HEATR3: variants seen among roughly 807,000 people sequenced by gnomAD.
HEATR3 encodes HEAT repeat-containing protein 3.
In HEATR3, 56 loss-of-function variants were observed where a neutral mutation model predicts 72.8. The ratio of observed to expected loss-of-function variants is 0.77; its 90% confidence interval spans 0.62 to 0.96. The LOEUF is 0.96. HEATR3 is among the 40% of genes least tolerant of loss of function. The pLI is 0.00. For missense variants in HEATR3, 747 were observed against 831.4 expected (o/e 0.90, Z 1.25); for synonymous variants, 331 against 318.1 (o/e 1.04, Z -0.43).
intron 7 of HEATR3, 92 bp from the exon 8 acceptor site, chr16:50,083,845 A>C: frequency 8.4e-7 from 1 of 1,183,948 alleles, no homozygotes; most frequent in South Asian, 1.4e-5. Context: ...CAAGCGCAAA[A>C]ATCTTCTAGT....
At chr16:50,071,875 C>T (rs567617444) in intron 4 of HEATR3, among the ~76,000 whole-genome samples, 1 of 152,270 alleles carries the variant, frequency 6.6e-6, no homozygotes, top group South Asian at 2.1e-4. Flanking sequence ...CTTGTTAACT[C>T]GTATTTAATG....
rs1416049350 is a variant in HEATR3, at chr16:50,070,259, A to C, written c.481A>C (p.Asn161His). The change falls in exon 4 of 15, where the codon AAT becomes CAT. Residue 161 changes from asparagine (N) to histidine (H), a missense_variant. Coordinates refer to ENST00000299192, the MANE Select transcript of HEATR3 (RefSeq NM_182922.4). ...CAGAAATTCTATTGAGAACATAGCCAATGAGACTGTGAACGTGCTGTGGAA... is the reference window on the plus strand; with the variant it reads ...CAGAAATTCTATTGAGAACATAGCCCATGAGACTGTGAACGTGCTGTGGAA... The part of the protein sequence containing the change: ...QNRNSIENIA[N>H]ETVNVLWNIC... The C allele has an allele frequency of 6.2e-7, 1 of 1,603,010 alleles. No homozygotes were observed. Among genetic ancestry groups the C allele is most frequent in the East Asian group, 2.2e-5 (1 of 44,768 alleles).
chr16:50,066,449 G>T lies in HEATR3; in HGVS notation c.221G>T (p.Gly74Val), dbSNP rs969347139. 3.6e-5 allele frequency: 50 copies of T among 1,393,908 alleles called. No individual in the cohort carries two copies. The highest frequency in any genetic ancestry group is 4.4e-5 in the Non-Finnish European group (48 of 1,082,664). 86.3% of individuals were successfully genotyped at this position (1,393,908 alleles called of 1,614,324 possible). A position where few individuals can be genotyped will look rare whatever the true frequency, so the allele number is the denominator to read the frequency against. The change falls in exon 2 of 15, where the codon GGC (glycine) becomes GTC (valine). Residue 74 changes from glycine (G) to valine (V), a missense_variant. Physicochemically the swap from Gly to Val is moderately radical, Grantham distance 109. Transcript: ENST00000299192. The stretch of plus-strand genomic sequence containing the variant: ...GTGCAGCAGCGGCCGGCACTCCCGG[G>T]CCTGGCGCGACGAGACGCCGTGCGC... The part of the protein sequence containing the change: ...RLVQQRPALP[G>V]LARRDAVRRL...
chr16:50,075,760 A>G (rs760814528), intron 6 of HEATR3, 49 bp downstream of exon 6: 14 of 1,562,308 alleles, frequency 9.0e-6, no homozygotes, highest in Admixed American at 1.7e-5. Flanking sequence ...AGCTTTTGGT[A>G]TGGATGTGGT....
At chr16:50,075,490 G>A (rs2036704746) in intron 5 of HEATR3, 81 bp from the exon 6 acceptor site, 2 of 1,300,866 alleles carry the variant, frequency 1.5e-6, no homozygotes, top group Non-Finnish European at 2.2e-6. Context: ...ATGATACAAT[G>A]TTTTATTGAT....
Position 50,084,011 on chromosome 16 carries a change from CAT to C in HEATR3, c.1117_1118del (p.Met373ValfsTer4). 6.2e-7 allele frequency: 1 copy of C among 1,613,340 alleles called. No homozygotes were observed. Among genetic ancestry groups the C allele is most frequent in the Non-Finnish European group, 8.5e-7 (1 of 1,179,918 alleles). Reference sequence around the variant, plus strand: ...AGACTGCTCTGGAAATTATTGTCAACATGTGCTGCAATGAAGGTTTGTTAACA... The same window carrying C: ...AGACTGCTCTGGAAATTATTGTCAACGTGCTGCAATGAAGGTTTGTTAACA... ...QQTALEIIVN[M>X]CCNEDPSDDE... is the part of the protein sequence containing the mutation. On this transcript the variant is annotated frameshift_variant, in exon 8 of 15. Coordinates refer to ENST00000299192, the MANE Select transcript of HEATR3 (RefSeq NM_182922.4). LOFTEE classifies it high-confidence loss of function.
intron 6 of HEATR3, among the ~76,000 whole-genome samples, chr16:50,077,838 T>C (rs1322898087): frequency 2.0e-5 from 3 of 152,088 alleles, no homozygotes; most frequent in Non-Finnish European, 4.4e-5. Context: ...CTTCTACAAC[T>C]TGGATATTGT....
At chr16:50,068,705 T>TATAA (rs1469507389) in intron 2 of HEATR3, 75 bp from the exon 3 acceptor site, 36 of 467,726 alleles carry the variant, frequency 7.7e-5, no homozygotes, top group Non-Finnish European at 8.5e-5. Flanking sequence ...TGGCTAAAAA[T>TATAA]AGAAATGTGA....
chr16:50,099,166 C>T (rs1233527963), intron 12 of HEATR3, among the ~76,000 whole-genome samples: 1 of 152,136 alleles, frequency 6.6e-6, no homozygotes, highest in Non-Finnish European at 1.5e-5. Context: ...TAATGGGATG[C>T]ATAGCCTGCC....
chr16:50,102,565 G>A (rs1218614364), intron 14 of HEATR3, 130 bp downstream of exon 14: 7 of 690,318 alleles, frequency 1.0e-5, no homozygotes, highest in Admixed American at 3.1e-5. Flanking sequence ...AGCATCCCCA[G>A]TACTTTGTAA....
chr16:50,086,479 A>G (rs1285153977), intron 11 of HEATR3, 128 bp downstream of exon 11: 2 of 1,021,860 alleles, frequency 2.0e-6, no homozygotes, highest in East Asian at 2.7e-5. Flanking sequence ...CACAGGAATC[A>G]TGTATTTATA....
At chr16:50,071,955 T>C (rs988263967) in intron 4 of HEATR3, among the ~76,000 whole-genome samples, 6 of 152,220 alleles carry the variant, frequency 3.9e-5, no homozygotes, top group Admixed American at 6.5e-5. Context: ...AAAATACTTA[T>C]TGTAATTTCT....
Position 50,066,100 on chromosome 16 carries a change from C to A in HEATR3, c.-32C>A. 1 of 1,565,312 alleles carries A rather than the reference C, an allele frequency of 6.4e-7. No homozygotes were observed. The highest frequency in any genetic ancestry group is 1.9e-5 in the Admixed American group (1 of 53,292). On this transcript the variant is annotated 5_prime_UTR_variant, in exon 1 of 15. Coordinates refer to ENST00000299192, the MANE Select transcript of HEATR3 (RefSeq NM_182922.4). ...CCACCGCCTGCTGTTGCCCTCCTCT[C>A]TCGGTGGTCTGTCCGCCCAGCGCAC...
In HEATR3 at chr16:50,084,260, C is replaced by T. The variant is rs761887048; in HGVS notation, c.1259C>T (p.Thr420Met). 28 of 1,613,966 alleles carry T rather than the reference C, an allele frequency of 1.7e-5. No individual in the cohort carries two copies. The highest frequency in any genetic ancestry group is 2.2e-5 in the South Asian group (2 of 91,080). The change falls in exon 9 of 15, where the codon ACG (threonine) becomes ATG (methionine). Residue 420 changes from threonine to methionine, a missense_variant. Thr to Met is a moderately conservative substitution (Grantham distance 81). This residue lies in a region of HEATR3 where 586 missense variants were observed against 708.8 expected (regional missense o/e 0.83). Coordinates refer to ENST00000299192, the MANE Select transcript of HEATR3 (RefSeq NM_182922.4). ...CTCTGCCTCTCCCATGAAGTTCACA[C>T]GGCTCTCACCAACTACCTCATCCCA... ...SPLCLSHEVH[T>M]ALTNYLIPKK...
rs757979247 is a variant in HEATR3, at chr16:50,084,274, T to C, written c.1273T>C (p.Tyr425His). 3.1e-6 allele frequency: 5 copies of C among 1,613,966 alleles called. No homozygotes were observed. Among genetic ancestry groups the C allele is most frequent in the Non-Finnish European group, 4.2e-6 (5 of 1,179,998 alleles). The change falls in exon 9 of 15, where the codon TAC (tyrosine) becomes CAC (histidine). Residue 425 changes from tyrosine (Y) to histidine (H), a missense_variant. By Grantham distance (83) the Tyr-to-His change is moderately conservative (BLOSUM62 2). Transcript: ENST00000299192. ...TGAAGTTCACACGGCTCTCACCAAC[T>C]ACCTCATCCCAAAGAAGGTAATCCA... The part of the protein sequence containing the change: ...SHEVHTALTN[Y>H]LIPKKIFEKT...
chr16:50,090,589 G>C (rs2037087642), intron 11 of HEATR3, among the ~76,000 whole-genome samples: 1 of 152,074 alleles, frequency 6.6e-6, no homozygotes, highest in African/African-American at 2.4e-5. Flanking sequence ...GTACAATCTG[G>C]TCCTTACATT....
chr16:50,090,396 A>C (rs2037083935), intron 11 of HEATR3, among the ~76,000 whole-genome samples: 1 of 152,172 alleles, frequency 6.6e-6, no homozygotes, highest in South Asian at 2.1e-4. Context: ...AATGGGGCTA[A>C]AGATCTCTGC....
intron 12 of HEATR3, among the ~76,000 whole-genome samples, chr16:50,098,990 C>CTTTATT (rs1567447394): frequency 6.6e-6 from 1 of 151,436 alleles, no homozygotes; most frequent in African/African-American, 2.4e-5. Flanking sequence ...TTTTTTTATA[C>CTTTATT]TTTATTTTTA....
intron 2 of HEATR3, 117 bp from the exon 3 acceptor site, chr16:50,068,663 A>G: frequency 1.3e-6 from 1 of 766,776 alleles, no homozygotes; most frequent in Non-Finnish European, 2.2e-6. Context: ...TGACAGAAAC[A>G]ATAAGCTATT....
Sources: gnomAD v4.1 joint callset for allele counts (sites outside exome capture counted in the v4.1 genomes callset) on GRCh38, gnomAD v4.1.1 for gene constraint, gnomAD v4.1.1 regional missense constraint, MANE v1.5 for transcripts, NCBI Gene and HGNC (gene_info 2026-07-23, HGNC 2026-07-21) for gene names.